The following EMCN variants were observed in gnomAD, a reference collection of about 807,000 sequenced individuals.
The protein encoded by EMCN is MUC-14.
A neutral mutation model predicts 38.4 loss-of-function variants in EMCN; 37 were observed. The observed-to-expected ratio is 0.96, with a 90% CI of 0.74 to 1.27. The LOEUF (loss-of-function observed/expected upper bound fraction) is 1.27. EMCN is among the 50% of genes most tolerant of loss of function. EMCN has a pLI of 0.00. For missense variants in EMCN, 318 were observed against 302.8 expected, an observed-to-expected ratio of 1.05 and a Z score of -0.37; for synonymous variants, 95 against 100.8, an observed-to-expected ratio of 0.94 and a Z score of 0.35.
rs1234410548 is a variant in EMCN, at chr4:100,396,371, T to C, written c.*2042A>G. 6.6e-6 allele frequency: 1 copy of C among 152,108 alleles called. No homozygotes were observed. The highest frequency in any genetic ancestry group is 1.5e-5 in the Non-Finnish European group (1 of 68,018). The allele number at this position is 152,108 out of a possible 1,614,324, so 9.4% of individuals were successfully genotyped here. A position where few individuals can be genotyped will look rare whatever the true frequency, so the allele number is the denominator to read the frequency against. ...GTAAACTCTTTTCTAACCATGCTCA[T>C]GAAATGTAGAGAAAATGGTTTCTCT... On this transcript the variant is annotated 3_prime_UTR_variant, in exon 12 of 12. Coordinates refer to ENST00000296420, the MANE Select transcript of EMCN (RefSeq NM_016242.4).
chr4:100,404,182 G>A (rs923125928), intron 11 of EMCN, among the ~76,000 whole-genome samples: 1 of 151,974 alleles, frequency 6.6e-6, no homozygotes, highest in African/African-American at 2.4e-5. Context: ...GGATTTTATA[G>A]TTTTTGTTTT....
At chr4:100,506,911 T>A (rs1228445309) in intron 1 of EMCN, among the ~76,000 whole-genome samples, 2 of 152,226 alleles carry the variant, frequency 1.3e-5, no homozygotes, top group Non-Finnish European at 2.9e-5. Flanking sequence ...CATAATATCA[T>A]AGCTTCTGCA....
rs139103613 is a variant in EMCN at position 100,447,571 on chromosome 4, G to T, written c.377C>A (p.Thr126Asn). The T allele has an allele frequency of 9.2e-5, 147 of 1,593,760 alleles. No individual in the cohort carries two copies. The highest frequency in any genetic ancestry group is 2.7e-4 in the Admixed American group (16 of 59,384). Residue 126 changes from threonine to asparagine, a missense_variant and splice_region_variant, in exon 5 of 12, where the codon ACT becomes AAT. Physicochemically the swap from Thr to Asn is moderately conservative, Grantham distance 65. Coordinates refer to ENST00000296420, the MANE Select transcript of EMCN (RefSeq NM_016242.4). ...VSTLQSSKPKTETQSSIKTTE... is the reference protein window; with the variant it reads ...VSTLQSSKPKNETQSSIKTTE... Reference sequence around the variant, plus strand: ...TGTTTTAATTGAACTCTGAGTTTCAGCTTTAGAAGGAAAAAAAGAAAAAAA... The same window carrying T: ...TGTTTTAATTGAACTCTGAGTTTCATCTTTAGAAGGAAAAAAAGAAAAAAA...
intron 4 of EMCN, among the ~76,000 whole-genome samples, chr4:100,452,915 C>T (rs1727888568): frequency 6.6e-6 from 1 of 152,066 alleles, no homozygotes; most frequent in South Asian, 2.1e-4. Context: ...CTGACAAAAA[C>T]AAGCAATAGG....
intron 1 of EMCN, among the ~76,000 whole-genome samples, chr4:100,507,283 A>T (rs772825810): frequency 4.1e-4 from 62 of 152,330 alleles, no homozygotes; most frequent in Non-Finnish European, 7.9e-4. Context: ...TTAAGCCTGT[A>T]TGCCTAGTGA....
chr4:100,494,397 A>G (rs933007903), intron 1 of EMCN, among the ~76,000 whole-genome samples: 10 of 152,166 alleles, frequency 6.6e-5, no homozygotes, highest in Non-Finnish European at 1.5e-5. Flanking sequence ...ACAGTTTCAG[A>G]ATATGCTCAA....
intron 1 of EMCN, among the ~76,000 whole-genome samples, chr4:100,492,319 G>A: frequency 6.6e-6 from 1 of 152,000 alleles, no homozygotes; most frequent in Non-Finnish European, 1.5e-5. Flanking sequence ...AAGAATCAGT[G>A]AGCTTAAAGA....
At chr4:100,431,514 A>G (rs1424421453) in intron 5 of EMCN, among the ~76,000 whole-genome samples, 1 of 152,098 alleles carries the variant, frequency 6.6e-6, no homozygotes, top group Non-Finnish European at 1.5e-5. Flanking sequence ...TCTTGAACTG[A>G]GACATTGGTC....
Position 100,421,315 on chromosome 4 carries a change from C to T in EMCN, c.631G>A (p.Gly211Ser). 1 of 1,612,796 alleles carries T rather than the reference C, an allele frequency of 6.2e-7. No homozygotes were observed. Among genetic ancestry groups the T allele is most frequent in the Non-Finnish European group, 8.5e-7 (1 of 1,179,146 alleles). Reference sequence around the variant, plus strand: ...GCCTTCCAGCACATTCGGTACAAACCCACCAGAACAAATACTGAAAGTGTT... The same window carrying T: ...GCCTTCCAGCACATTCGGTACAAACTCACCAGAACAAATACTGAAAGTGTT... ...VITLSVFVLVGLYRMCWKADP... is the reference protein window; with the variant it reads ...VITLSVFVLVSLYRMCWKADP... Residue 211 changes from glycine to serine, a missense_variant, in exon 8 of 12, where the codon GGT becomes AGT. Gly to Ser is a moderately conservative substitution (Grantham distance 56). Coordinates refer to ENST00000296420, the MANE Select transcript of EMCN (RefSeq NM_016242.4).
intron 2 of EMCN, among the ~76,000 whole-genome samples, chr4:100,477,512 A>G (rs1040164371): frequency 6.6e-6 from 1 of 152,226 alleles, no homozygotes; most frequent in African/African-American, 2.4e-5. Flanking sequence ...TGTTGCTGCA[A>G]GAAGAATTCT....
chr4:100,405,506 T>C (rs1480853126), intron 11 of EMCN, among the ~76,000 whole-genome samples: 2 of 152,192 alleles, frequency 1.3e-5, no homozygotes, highest in Non-Finnish European at 2.9e-5. Flanking sequence ...GTTCTGTTTA[T>C]GTAATGAATT....
intron 10 of EMCN, among the ~76,000 whole-genome samples, chr4:100,411,128 T>C (rs1259829305): frequency 5.3e-5 from 8 of 152,202 alleles, no homozygotes; most frequent in Non-Finnish European, 1.5e-5. Context: ...CTTTCGGGAC[T>C]CTGAGGATGT....
At chr4:100,436,037 T>C (rs879690494) in intron 5 of EMCN, among the ~76,000 whole-genome samples, 1 of 152,080 alleles carries the variant, frequency 6.6e-6, no homozygotes, top group Admixed American at 6.6e-5. Context: ...TGGGGTCTAA[T>C]TAAACTAAAG....
chr4:100,492,892 A>G (rs1255678191), intron 1 of EMCN, among the ~76,000 whole-genome samples: 1 of 152,218 alleles, frequency 6.6e-6, no homozygotes, highest in African/African-American at 2.4e-5. Context: ...CCCATCACTT[A>G]TCAGCTATGT....
At chr4:100,431,447 C>T (rs898159397) in intron 5 of EMCN, among the ~76,000 whole-genome samples, 4 of 152,116 alleles carry the variant, frequency 2.6e-5, no homozygotes, top group African/African-American at 9.7e-5. Context: ...GGTTGCCTCT[C>T]GTCCAACCAG....
At chr4:100,476,705 C>T (rs182981682) in intron 2 of EMCN, among the ~76,000 whole-genome samples, 36 of 152,270 alleles carry the variant, frequency 2.4e-4, no homozygotes, top group Middle Eastern at 3.4e-3. Context: ...TAGGCTACAA[C>T]TGTTTCAAAG....
At chr4:100,437,393 G>A (rs956592029) in intron 5 of EMCN, among the ~76,000 whole-genome samples, 28 of 151,852 alleles carry the variant, frequency 1.8e-4, no homozygotes, top group African/African-American at 6.8e-4. Context: ...CTGTGCAGAA[G>A]CTTTTTAGTT....
intron 10 of EMCN, among the ~76,000 whole-genome samples, chr4:100,413,328 A>T (rs1726617346): frequency 6.6e-6 from 1 of 152,164 alleles, no homozygotes. Context: ...AGAAAAATTG[A>T]GTTAAGCTTG....
At chr4:100,495,464 T>G (rs1218301039) in intron 1 of EMCN, among the ~76,000 whole-genome samples, 3 of 152,100 alleles carry the variant, frequency 2.0e-5, no homozygotes, top group Non-Finnish European at 4.4e-5. Flanking sequence ...ATCACCTGTA[T>G]TAAGTAATAA....
Sources: gnomAD v4.1 joint callset for allele counts (sites outside exome capture counted in the v4.1 genomes callset) on GRCh38, gnomAD v4.1.1 for gene constraint, MANE v1.5 for transcripts, NCBI Gene and HGNC (gene_info 2026-07-23, HGNC 2026-07-21) for gene names.